WNK2: variants seen among roughly 807,000 people sequenced by gnomAD.
The protein encoded by WNK2 is serine/threonine-protein kinase WNK2.
WNK2 carries 67 observed loss-of-function variants against 192.1 expected under a neutral mutation model. That is an observed-to-expected ratio of 0.35 (90% CI 0.29 to 0.43). WNK2 has a LOEUF of 0.43. Among genes scored for constraint, WNK2 ranks in the 20% least tolerant of loss-of-function variants. The pLI is 1.00. For synonymous variants in WNK2, 1,439 were observed against 1,393.9 expected, an observed-to-expected ratio of 1.03 and a Z score of -0.72; for missense variants, 2,698 against 3,089.7, an observed-to-expected ratio of 0.87 and a Z score of 3.01.
chr9:93,319,962 G>A (rs902654089), intron 29 of WNK2, among the ~76,000 whole-genome samples: 4 of 152,206 alleles, frequency 2.6e-5, no homozygotes, highest in African/African-American at 4.8e-5. Context: ...CCGGTCCACT[G>A]TGGGGGCTGC....
At chr9:93,282,005 G>A (rs1847816628) in intron 19 of WNK2, among the ~76,000 whole-genome samples, 3 of 152,166 alleles carry the variant, frequency 2.0e-5, no homozygotes, top group African/African-American at 7.2e-5. Flanking sequence ...AACAATGACT[G>A]CAGATGAAAG....
At chr9:93,196,960 T>C (rs992559843) in intron 2 of WNK2, among the ~76,000 whole-genome samples, 7 of 152,272 alleles carry the variant, frequency 4.6e-5, no homozygotes, top group Admixed American at 4.6e-4. Flanking sequence ...TGTCCACAGC[T>C]CCCACACCCA....
At position 93,203,026 on chromosome 9, in the gene WNK2, G is replaced by A. The variant is rs567157080; in HGVS notation, c.681+17416G>A. Among the ~76,000 whole-genome samples, 484 of 151,972 alleles carry A rather than the reference G, an allele frequency of 3.2e-3. 3 individuals carry two copies. The highest frequency in any genetic ancestry group is 0.011 in the African/African-American group (451 of 41,442). Reference sequence around the variant, plus strand: ...CTCTGAGGTCTGTGTCCAAGTGGGTGGCAGTGGAGGATGGGGGGCATGGGA... The same window carrying A: ...CTCTGAGGTCTGTGTCCAAGTGGGTAGCAGTGGAGGATGGGGGGCATGGGA... On this transcript the variant is annotated intron_variant, in intron 2 of 29. Transcript: ENST00000427277.
In WNK2 at chr9:93,308,416, CAAG is replaced by C. The variant is rs764403431; in HGVS notation, c.6352_6354del (p.Lys2118del). ...AGGCGCAGGTGAACAACAGCAACAACAAGAAGGGTACCTTCACGGACGACCTGC... is the reference window on the plus strand; with the variant it reads ...AGGCGCAGGTGAACAACAGCAACAACAAGGGTACCTTCACGGACGACCTGC... On this transcript the variant is annotated inframe_deletion, in exon 28 of 30. Coordinates refer to ENST00000427277, the MANE Select transcript of WNK2 (RefSeq NM_006648.4). The C allele has an allele frequency of 6.9e-6, 11 of 1,602,302 alleles. No individual in the cohort carries two copies.
At chr9:93,192,479 GCCAAGGGTGGT>G (rs1830508901) in intron 2 of WNK2, among the ~76,000 whole-genome samples, 2 of 152,088 alleles carry the variant, frequency 1.3e-5, no homozygotes, top group African/African-American at 4.8e-5. Context: ...TTTGTAGGTG[GCCAAGGGTGGT>G]CCTCGGGTGG....
At chr9:93,199,857 C>T (rs1831995741) in intron 2 of WNK2, among the ~76,000 whole-genome samples, 2 of 138,788 alleles carry the variant, frequency 1.4e-5, no homozygotes, top group Non-Finnish European at 3.1e-5. Flanking sequence ...CAGATAGTGC[C>T]ACTGCACTCC....
intron 28 of WNK2, among the ~76,000 whole-genome samples, chr9:93,310,253 A>G (rs1026223343): frequency 6.6e-6 from 1 of 152,092 alleles, no homozygotes; most frequent in African/African-American, 2.4e-5. Flanking sequence ...TTATTCTAGG[A>G]CAAAGTCAGG....
intron 4 of WNK2, among the ~76,000 whole-genome samples, chr9:93,231,481 C>T (rs529850434): frequency 1.2e-4 from 18 of 152,272 alleles, no homozygotes; most frequent in South Asian, 8.3e-4. Flanking sequence ...TGCCGATGCT[C>T]GTGGTGTGTG....
chr9:93,207,508 C>G (rs1833613290), intron 2 of WNK2, among the ~76,000 whole-genome samples: 1 of 152,200 alleles, frequency 6.6e-6, no homozygotes, highest in African/African-American at 2.4e-5. Flanking sequence ...TTTTTGGACC[C>G]TTCAGGAGGA....
intron 28 of WNK2, chr9:93,308,980 C>T (rs1291072488): frequency 1.9e-6 from 2 of 1,035,650 alleles, no homozygotes; most frequent in South Asian, 4.1e-5. Context: ...GTGTGCATGT[C>T]ACCCAAGTGA....
At chr9:93,211,864 A>T (rs373441988) in intron 2 of WNK2, among the ~76,000 whole-genome samples, 5,229 of 149,882 alleles carry the variant, frequency 0.035, 294 homozygotes, top group African/African-American at 0.12. Context: ...CCTCACTCAT[A>T]CATTCACTCA....
intron 19 of WNK2, among the ~76,000 whole-genome samples, chr9:93,274,650 A>T (rs1304608389): frequency 6.6e-6 from 1 of 152,228 alleles, no homozygotes; most frequent in Non-Finnish European, 1.5e-5. Context: ...GACAGAAATT[A>T]AACAATTTAG....
In WNK2 at chr9:93,289,408, C is replaced by T; in HGVS notation, c.4654C>T (p.Leu1552=). The change falls in exon 20 of 30, where the codon CTG becomes TTG. Residue 1552 remains leucine, a synonymous_variant. Coordinates refer to ENST00000427277, the MANE Select transcript of WNK2 (RefSeq NM_006648.4). ...CTTTGTGGACAGCACCATCAAGAGC[C>T]TGGACGAGAAGCTGCGGACTCTGCT... ...VGFVDSTIKS[L]DEKLRTLLYQ... is the part of the protein sequence containing the mutation. The T allele has an allele frequency of 1.2e-6, 2 of 1,612,962 alleles. No homozygotes were observed. The highest frequency in any genetic ancestry group is 1.1e-5 in the South Asian group (1 of 91,080).
intron 23 of WNK2, among the ~76,000 whole-genome samples, chr9:93,293,871 C>T (rs944758135): frequency 6.6e-6 from 1 of 151,942 alleles, no homozygotes; most frequent in African/African-American, 2.4e-5. Context: ...CTCCCTGTCT[C>T]GCTTCCCACC....
At chr9:93,319,169 G>T (rs762815114) in intron 29 of WNK2, 7 of 1,614,042 alleles carry the variant, frequency 4.3e-6, no homozygotes, top group Non-Finnish European at 5.9e-6. Flanking sequence ...CCAATAGATT[G>T]TATATCTGAA....
intron 2 of WNK2, among the ~76,000 whole-genome samples, chr9:93,219,273 A>G (rs926348369): frequency 6.6e-6 from 1 of 152,208 alleles, no homozygotes; most frequent in Non-Finnish European, 1.5e-5. Context: ...ATTGGTCAAC[A>G]TGCCGTGGGC....
In WNK2 at chr9:93,297,908, C is replaced by T; in HGVS notation, c.5764C>T (p.Leu1922=). 1.3e-6 allele frequency: 2 copies of T among 1,592,516 alleles called. No individual in the cohort carries two copies. Among genetic ancestry groups the T allele is most frequent in the Non-Finnish European group, 8.5e-7 (1 of 1,170,992 alleles). The stretch of plus-strand genomic sequence containing the variant: ...CCAGCAGAAGCAGGAGATCGAAGCT[C>T]TGTACCGCCGCCTGGGCAAGCCACT... ...QSQQKQEIEA[L]YRRLGKPLPP... The change falls in exon 24 of 30, where the codon CTG becomes TTG. Residue 1922 remains leucine, a synonymous_variant. Coordinates refer to ENST00000427277, the MANE Select transcript of WNK2 (RefSeq NM_006648.4).
chr9:93,229,752 G>A lies in WNK2; in HGVS notation c.738G>A (p.Leu246=), dbSNP rs746976151. 1.8e-5 allele frequency: 29 copies of A among 1,613,614 alleles called. No individual in the cohort carries two copies. The East Asian group carries it at 6.0e-4, about 33-fold the overall frequency. The change falls in exon 3 of 30, where the codon CTG becomes CTA. Residue 246 remains leucine, a synonymous_variant. Coordinates refer to ENST00000427277, the MANE Select transcript of WNK2 (RefSeq NM_006648.4). The surrounding 1 kb of genome is among the most constrained non-coding windows in gnomAD (Gnocchi z 4.9). ...GGTTCAAGGAAGAGGCTGAGATGCT[G>A]AAAGGCCTGCAGCACCCCAACATCG... is the stretch of plus-strand genomic sequence containing the variant. ...RQRFKEEAEM[L]KGLQHPNIVR...
At chr9:93,312,769 C>T (rs940644907) in intron 28 of WNK2, among the ~76,000 whole-genome samples, 1 of 152,170 alleles carries the variant, frequency 6.6e-6, no homozygotes, top group African/African-American at 2.4e-5. Context: ...TCTTGGCCCC[C>T]TTGTGGAGAG....
Sources: allele counts gnomAD v4.1 joint callset (sites outside exome capture counted in the v4.1 genomes callset), GRCh38; gene constraint gnomAD v4.1.1; non-coding constraint Gnocchi (gnomAD v3.1); transcripts MANE v1.5; gene names NCBI Gene and HGNC (gene_info 2026-07-23, HGNC 2026-07-21).